Variants in FAM135B observed in about 807,000 individuals in gnomAD.
FAM135B encodes family with sequence similarity 135 member B, also known as protein FAM135B.
In FAM135B, 43 loss-of-function variants were observed where a neutral mutation model predicts 127.7. The observed-to-expected ratio is 0.34, with a 90% CI of 0.26 to 0.43. FAM135B has a LOEUF of 0.43. Among genes scored for constraint, FAM135B ranks in the 20% least tolerant of loss-of-function variants. The probability of loss-of-function intolerance (pLI) is 1.00; values close to 1 mark genes in which losing one functional copy is unlikely to be tolerated. For synonymous variants in FAM135B, 670 were observed against 665.1 expected (o/e 1.01, Z -0.11); for missense variants, 1,558 against 1,725.6 (o/e 0.90, Z 1.72).
Position 138,242,164 on chromosome 8 carries a change from TTTGTGTGTGTGTGTGTGTGTG to T in FAM135B, c.669+757_669+777del, listed in dbSNP as rs1336196553. On this transcript the variant is annotated intron_variant, in intron 7 of 19. Coordinates refer to ENST00000395297, the MANE Select transcript of FAM135B (RefSeq NM_015912.4). The surrounding 1 kb of genome is among the most constrained non-coding windows in gnomAD (Gnocchi z 9.6). The stretch of plus-strand genomic sequence containing the variant: ...GAGTCAATTACTTATGATAAATCTC[TTTGTGTGTGTGTGTGTGTGTG>T]TGTGTGTGTGTGTGTGTGTGTGTGT... 1.5e-5 allele frequency among the ~76,000 whole-genome samples: 2 copies of T among 135,208 alleles called. No individual in the cohort carries two copies. The highest frequency in any genetic ancestry group is 3.1e-5 in the Non-Finnish European group (2 of 63,844). The allele number at this position is 135,208 out of a possible 152,430, so 88.7% of individuals were successfully genotyped here.
At chr8:138,433,710 T>C (rs900801925) in intron 1 of FAM135B, among the ~76,000 whole-genome samples, 1 of 152,114 alleles carries the variant, frequency 6.6e-6, no homozygotes, top group African/African-American at 2.4e-5. Flanking sequence ...GATGTTCAAG[T>C]TTATGACTTG....
intron 5 of FAM135B, among the ~76,000 whole-genome samples, chr8:138,255,217 A>G (rs1381650476): frequency 6.6e-6 from 1 of 152,058 alleles, no homozygotes; most frequent in Non-Finnish European, 1.5e-5. Context: ...TGAAGGGATA[A>G]AGGGAACAGT....
At chr8:138,239,256 C>G (rs550851907) in intron 7 of FAM135B, among the ~76,000 whole-genome samples, 6 of 152,320 alleles carry the variant, frequency 3.9e-5, no homozygotes, top group Non-Finnish European at 5.9e-5. Context: ...GCAATTCTAA[C>G]TGGTGTGAGA....
rs115971364 is a variant in FAM135B, at chr8:138,328,886, G to A, written c.78-17966C>T. On this transcript the variant is annotated intron_variant, in intron 2 of 19. Transcript: ENST00000395297. ...CAGAGAAAGTCTTCAATAGTTATGA[G>A]ACTATTTGATGCAAGGTGCATGTAT... Among the ~76,000 whole-genome samples, 108 of 152,276 alleles carry A rather than the reference G, an allele frequency of 7.1e-4. No homozygotes were observed. In the Middle Eastern group the frequency reaches 0.01, roughly 14 times the overall value.
intron 7 of FAM135B, among the ~76,000 whole-genome samples, chr8:138,228,364 C>G (rs189782840): frequency 6.6e-6 from 1 of 152,076 alleles, no homozygotes; most frequent in Non-Finnish European, 1.5e-5. Context: ...GTGATGTGCA[C>G]TCCTGGTTAA....
chr8:138,343,958 A>G (rs1315212368), intron 2 of FAM135B, among the ~76,000 whole-genome samples: 1 of 151,924 alleles, frequency 6.6e-6, no homozygotes, highest in Non-Finnish European at 1.5e-5. Flanking sequence ...CTTTCACCCA[A>G]TGCAGATCTT....
At chr8:138,458,416 T>TG (rs1476281337) in intron 1 of FAM135B, among the ~76,000 whole-genome samples, 1 of 152,228 alleles carries the variant, frequency 6.6e-6, no homozygotes, top group Non-Finnish European at 1.5e-5. Flanking sequence ...GTGGGAAACT[T>TG]GGATACTCCA....
chr8:138,294,173 T>G (rs145820811), intron 3 of FAM135B, among the ~76,000 whole-genome samples: 4 of 152,246 alleles, frequency 2.6e-5, no homozygotes, highest in African/African-American at 9.6e-5. Flanking sequence ...TATGTTCTTA[T>G]AAGTGGGAGC....
intron 1 of FAM135B, among the ~76,000 whole-genome samples, chr8:138,432,957 T>C (rs749077541): frequency 7.9e-5 from 12 of 152,048 alleles, no homozygotes; most frequent in African/African-American, 1.9e-4. Flanking sequence ...CAATGGAACA[T>C]TGTCCATCCA....
At chr8:138,266,827 T>C (rs1283697642) in intron 3 of FAM135B, among the ~76,000 whole-genome samples, 1 of 148,698 alleles carries the variant, frequency 6.7e-6, no homozygotes, top group Non-Finnish European at 1.5e-5. Flanking sequence ...TACATATGCG[T>C]ATATATACAT....
chr8:138,266,131 C>T (rs1822901442), intron 3 of FAM135B, among the ~76,000 whole-genome samples: 1 of 152,186 alleles, frequency 6.6e-6, no homozygotes, highest in African/African-American at 2.4e-5. Flanking sequence ...GCCTGCTCAA[C>T]TTCTCACCTG....
chr8:138,410,219 G>T (rs1833779404), intron 1 of FAM135B, among the ~76,000 whole-genome samples: 2 of 152,132 alleles, frequency 1.3e-5, no homozygotes, highest in Admixed American at 6.5e-5. Context: ...CTGAGGTGAA[G>T]TCCTTGGTGG....
chr8:138,264,264 T>C (rs1324960587), intron 4 of FAM135B, among the ~76,000 whole-genome samples: 1 of 152,244 alleles, frequency 6.6e-6, no homozygotes, highest in Non-Finnish European at 1.5e-5. Context: ...CTTCTGTCTG[T>C]CACTTGTCCT....
At chr8:138,273,062 C>A (rs1823510836) in intron 3 of FAM135B, among the ~76,000 whole-genome samples, 1 of 152,084 alleles carries the variant, frequency 6.6e-6, no homozygotes, top group Non-Finnish European at 1.5e-5. Flanking sequence ...ATAATAGGGG[C>A]TCAGACAAAT....
At position 138,243,634 on chromosome 8, in the gene FAM135B, T is replaced by C. The variant is rs1230405158; in HGVS notation, c.543-566A>G. On this transcript the variant is annotated intron_variant, in intron 6 of 19. Coordinates refer to ENST00000395297, the MANE Select transcript of FAM135B (RefSeq NM_015912.4). The surrounding 1 kb of genome is among the most constrained non-coding windows in gnomAD (Gnocchi z 7.5). ...CCTGCTCAGCTCACAAATGTGCAGT[T>C]CCTGCCCAGCTCTGCAATCCAAAGA... Among the ~76,000 whole-genome samples, 3 of 152,250 alleles carry C rather than the reference T, an allele frequency of 2.0e-5. No individual in the cohort carries two copies. The highest frequency in any genetic ancestry group is 4.4e-5 in the Non-Finnish European group (3 of 68,044).
chr8:138,384,576 G>C (rs1460828519), intron 1 of FAM135B, among the ~76,000 whole-genome samples: 1 of 152,062 alleles, frequency 6.6e-6, no homozygotes, highest in Non-Finnish European at 1.5e-5. Flanking sequence ...CCCAAGCATA[G>C]CAGAGACATT....
intron 1 of FAM135B, among the ~76,000 whole-genome samples, chr8:138,368,688 C>T (rs1830921889): frequency 6.6e-6 from 1 of 152,006 alleles, no homozygotes; most frequent in Non-Finnish European, 1.5e-5. Context: ...TGACAGGTTG[C>T]TAATTTTCCA....
At position 138,454,161 on chromosome 8, in the gene FAM135B, A is replaced by T. The variant is rs531510239; in HGVS notation, c.-20+42510T>A. ...TTTTAAGTCCACTGCTTTTAAAATTAAAAAAAAAAAGTAATTTTGAAAATG... is the reference window on the plus strand; with the variant it reads ...TTTTAAGTCCACTGCTTTTAAAATTTAAAAAAAAAAGTAATTTTGAAAATG... On this transcript the variant is annotated intron_variant, in intron 1 of 19. Coordinates refer to ENST00000395297, the MANE Select transcript of FAM135B (RefSeq NM_015912.4). 2.2e-4 allele frequency among the ~76,000 whole-genome samples: 33 copies of T among 146,906 alleles called. No individual in the cohort carries two copies. The East Asian group carries it at 3.0e-3, about 13-fold the overall frequency.
In FAM135B at chr8:138,245,589, G is replaced by A. The variant is rs770089101; in HGVS notation, c.543-2521C>T. Among the ~76,000 whole-genome samples, 36 of 152,240 alleles carry A rather than the reference G, an allele frequency of 2.4e-4. 1 individual carries two copies. The highest frequency in any genetic ancestry group is 5.8e-4 in the East Asian group (3 of 5,180). On this transcript the variant is annotated intron_variant, in intron 6 of 19. Coordinates refer to ENST00000395297, the MANE Select transcript of FAM135B (RefSeq NM_015912.4). ...AGTTTCCTGAGGCCACCTCTGCCCCGCAGAACTGTGAATCAATTAAACCTC... is the reference window on the plus strand; with the variant it reads ...AGTTTCCTGAGGCCACCTCTGCCCCACAGAACTGTGAATCAATTAAACCTC...
Sources: allele counts gnomAD v4.1 joint callset (sites outside exome capture counted in the v4.1 genomes callset), GRCh38; gene constraint gnomAD v4.1.1; non-coding constraint Gnocchi (gnomAD v3.1); transcripts MANE v1.5; gene names NCBI Gene and HGNC (gene_info 2026-07-23, HGNC 2026-07-21).